The following AGO4 variants were observed in gnomAD, a reference collection of about 807,000 sequenced individuals.
The protein encoded by AGO4 is argonaute RISC component 4.
Under a neutral mutation model 104.7 loss-of-function variants are expected in AGO4, and 33 were observed. The observed-to-expected ratio is 0.32, with a 90% CI of 0.24 to 0.42. AGO4 has a LOEUF of 0.42. AGO4 is among the 10% of genes least tolerant of loss of function. AGO4 has a pLI of 1.00. For missense variants in AGO4, 711 were observed against 1,083.4 expected (o/e 0.66, Z 4.83); for synonymous variants, 331 against 364.7 (o/e 0.91, Z 1.05).
chr1:35,822,268 T>C (rs369203303), intron 2 of AGO4, among the ~76,000 whole-genome samples: 1 of 152,156 alleles, frequency 6.6e-6, no homozygotes, highest in African/African-American at 2.4e-5. Context: ...ATTCTTTTTT[T>C]TCTTGAGACA....
chr1:35,842,005 G>A (rs1644458456), intron 15 of AGO4, among the ~76,000 whole-genome samples: 1 of 152,016 alleles, frequency 6.6e-6, no homozygotes, highest in Non-Finnish European at 1.5e-5. Flanking sequence ...TTGTGTCGGG[G>A]GGAGTAGGTC....
rs764182136 is a variant in AGO4, at chr1:35,832,932, G to A, written c.1379+362G>A. 1.4e-4 allele frequency among the ~76,000 whole-genome samples: 22 copies of A among 152,234 alleles called. No individual in the cohort carries two copies. In the East Asian group the frequency reaches 1.7e-3, roughly 12 times the overall value. ...AATTTACTAATGAGCTTGTTTTATT[G>A]CAAGGTCTCTGGGTAAAAGTAGGTT... is the stretch of plus-strand genomic sequence containing the variant. On this transcript the variant is annotated intron_variant, in intron 11 of 17. Coordinates refer to ENST00000373210, the MANE Select transcript of AGO4 (RefSeq NM_017629.4).
intron 15 of AGO4, among the ~76,000 whole-genome samples, chr1:35,846,758 G>A (rs1245261606): frequency 6.6e-6 from 1 of 151,790 alleles, no homozygotes; most frequent in Non-Finnish European, 1.5e-5. Context: ...CCCTAGTTTT[G>A]ACAAATACAT....
At chr1:35,848,733 C>A (rs909079877) in intron 15 of AGO4, among the ~76,000 whole-genome samples, 1 of 151,498 alleles carries the variant, frequency 6.6e-6, no homozygotes, top group African/African-American at 2.4e-5. Context: ...GGTTTTGAGT[C>A]ATACAGTAGA....
intron 13 of AGO4, among the ~76,000 whole-genome samples, chr1:35,840,618 C>A (rs1228907438): frequency 2.0e-5 from 3 of 149,338 alleles, no homozygotes; most frequent in African/African-American, 4.9e-5. Flanking sequence ...TTTTTAAAGA[C>A]AAGGTCTTAC....
Position 35,850,145 on chromosome 1 carries a change from T to G in AGO4, c.2176-12T>G, listed in dbSNP as rs974924208. The G allele has an allele frequency of 6.4e-7, 1 of 1,557,512 alleles. No individual in the cohort carries two copies. Among genetic ancestry groups the G allele is most frequent in the African/African-American group, 1.4e-5 (1 of 71,822 alleles). On this transcript the variant is annotated splice_polypyrimidine_tract_variant and intron_variant, in intron 15 of 17. Transcript: ENST00000373210. ...ACTTTGATGACTAATTACTTTTTTT[T>G]GTTTTTTGTAGGTAGGGAAAAGTGG...
chr1:35,841,259 G>C lies in AGO4; in HGVS notation c.1819G>C (p.Val607Leu). 3 of 1,614,114 alleles carry C rather than the reference G, an allele frequency of 1.9e-6. No homozygotes were observed. The highest frequency in any genetic ancestry group is 2.5e-6 in the Non-Finnish European group (3 of 1,180,026). The stretch of plus-strand genomic sequence containing the variant: ...GAAGAAACCTTCCATTGCTGCTGTG[G>C]TTGGCAGTATGGATGGCCACCCCAG... ...DGKKPSIAAV[V>L]GSMDGHPSRY... is the part of the protein sequence containing the mutation. The change falls in exon 14 of 18, where the codon GTT becomes CTT. Residue 607 changes from valine to leucine, a missense_variant. Val to Leu is a conservative substitution (Grantham distance 32). This residue lies in a region of AGO4 where 401 missense variants were observed against 665.5 expected (regional missense o/e 0.60). Coordinates refer to ENST00000373210, the MANE Select transcript of AGO4 (RefSeq NM_017629.4). The surrounding 1 kb of genome is among the most constrained non-coding windows in gnomAD (Gnocchi z 4.7).
chr1:35,844,924 T>A (rs996979309), intron 15 of AGO4, among the ~76,000 whole-genome samples: 6 of 152,142 alleles, frequency 3.9e-5, no homozygotes, highest in Non-Finnish European at 7.3e-5. Flanking sequence ...AAACTTTAAT[T>A]TTCTGTAGCC....
At position 35,857,402 on chromosome 1, in the gene AGO4, G is replaced by A. The variant is rs983739321; in HGVS notation, c.*3797G>A. ...CTTTCTACGTCTAGTGGCTGAAAAT[G>A]TTTGCATTTGTTCATTTGACTAATG... On this transcript the variant is annotated 3_prime_UTR_variant, in exon 18 of 18. Transcript: ENST00000373210. 6.6e-6 allele frequency: 1 copy of A among 152,148 alleles called. No individual in the cohort carries two copies. Among genetic ancestry groups the A allele is most frequent in the African/African-American group, 2.4e-5 (1 of 41,422 alleles). The allele number at this position is 152,148 out of a possible 1,614,324, so 9.4% of individuals were successfully genotyped here.
rs772516401 is a variant in AGO4 at position 35,836,041 on chromosome 1, A to G, written c.1724+48A>G. On this transcript the variant is annotated intron_variant, in intron 13 of 17. Coordinates refer to ENST00000373210, the MANE Select transcript of AGO4 (RefSeq NM_017629.4). ...CACTTTTGTTTAAGATCTAACTTAC[A>G]TAATTTATGGGAAAGCACACAAATA... is the stretch of plus-strand genomic sequence containing the variant. The G allele has an allele frequency of 1.5e-5, 23 of 1,582,264 alleles. No homozygotes were observed. In the Admixed American group the frequency reaches 3.4e-4, roughly 23 times the overall value.
At chr1:35,810,027 CT>C (rs369131487) in intron 1 of AGO4, among the ~76,000 whole-genome samples, 68 of 147,366 alleles carry the variant, frequency 4.6e-4, no homozygotes, top group South Asian at 4.2e-3. Flanking sequence ...CCCAGGGACT[CT>C]TTTTTTTTTT....
intron 15 of AGO4, among the ~76,000 whole-genome samples, chr1:35,844,858 C>T (rs148576137): frequency 3.3e-5 from 5 of 152,290 alleles, no homozygotes; most frequent in East Asian, 1.9e-4. Context: ...CTTCCTTTCA[C>T]GACTAAACTT....
intron 3 of AGO4, among the ~76,000 whole-genome samples, chr1:35,824,548 C>A (rs1221756940): frequency 6.6e-6 from 1 of 151,480 alleles, no homozygotes; most frequent in African/African-American, 2.4e-5. Context: ...CCAAAAATCC[C>A]AGTGCTGTGG....
At chr1:35,835,721 C>A in intron 12 of AGO4, 113 bp from the exon 13 acceptor site, 1 of 860,806 alleles carries the variant, frequency 1.2e-6, no homozygotes, top group Non-Finnish European at 1.7e-6. Context: ...GCATCTAGCA[C>A]AGTGTACAGT....
chr1:35,812,160 T>C (rs892126611), intron 1 of AGO4, among the ~76,000 whole-genome samples: 1 of 149,650 alleles, frequency 6.7e-6, no homozygotes, highest in African/African-American at 2.5e-5. Context: ...TTCAGAGCTG[T>C]ACAAATAAAT....
chr1:35,829,021 GC>G lies in AGO4; in HGVS notation c.848+2197del, dbSNP rs34560714. Among the ~76,000 whole-genome samples, 206 of 143,462 alleles carry G rather than the reference GC, an allele frequency of 1.4e-3. 2 individuals are homozygous for G. The highest frequency in any genetic ancestry group is 3.8e-3 in the Middle Eastern group (1 of 264). 94.1% of individuals were successfully genotyped at this position (143,462 alleles called of 152,430 possible). A position where few individuals can be genotyped will look rare whatever the true frequency, so the allele number is the denominator to read the frequency against. On this transcript the variant is annotated intron_variant, in intron 7 of 17. Transcript: ENST00000373210. Reference sequence around the variant, plus strand: ...ATTTACATTATTTTGGTTACTCAGAGCCCCCCCCCCCACACACACACCTTTT... The same window carrying G: ...ATTTACATTATTTTGGTTACTCAGAGCCCCCCCCCCACACACACACCTTTT...
At chr1:35,816,714 G>A (rs756587468) in intron 1 of AGO4, among the ~76,000 whole-genome samples, 168 bp from the exon 2 acceptor site, 4 of 150,418 alleles carry the variant, frequency 2.7e-5, no homozygotes, top group African/African-American at 9.8e-5. Flanking sequence ...CAGGAGAATC[G>A]CTTGGAACTG....
intron 2 of AGO4, among the ~76,000 whole-genome samples, chr1:35,820,105 GGAA>G (rs1402089587): frequency 2.6e-5 from 4 of 152,168 alleles, no homozygotes; most frequent in South Asian, 2.1e-4. Flanking sequence ...TGGAGGCAAA[GGAA>G]GAAGATGTTT....
chr1:35,848,542 T>A (rs573820708), intron 15 of AGO4, among the ~76,000 whole-genome samples: 1 of 152,274 alleles, frequency 6.6e-6, no homozygotes, highest in South Asian at 2.1e-4. Context: ...AGCAGTCATA[T>A]GGGTGCTCAA....
Sources: allele counts gnomAD v4.1 joint callset (sites outside exome capture counted in the v4.1 genomes callset), GRCh38; gene constraint gnomAD v4.1.1; regional missense constraint gnomAD v4.1.1; non-coding constraint Gnocchi (gnomAD v3.1); transcripts MANE v1.5; gene names NCBI Gene and HGNC (gene_info 2026-07-23, HGNC 2026-07-21).